The following MCPH1 variants were observed in gnomAD, a reference collection of about 807,000 sequenced individuals.
MCPH1 encodes microcephalin.
MCPH1 carries 104 observed loss-of-function variants against 84.5 expected under a neutral mutation model. The observed-to-expected ratio is 1.23, with a 90% CI of 1.05 to 1.45. MCPH1 has a LOEUF of 1.45. MCPH1 is among the 40% of genes most tolerant of loss of function. The pLI is 0.00. For synonymous variants in MCPH1, 514 were observed against 366.8 expected (o/e 1.40, Z -4.58); for missense variants, 1,498 against 1,005.7 (o/e 1.49, Z -6.62).
intron 12 of MCPH1, chr8:6,508,833 A>G (rs747836588): frequency 6.6e-7 from 1 of 1,523,938 alleles, no homozygotes; most frequent in East Asian, 2.2e-5. Context: ...AATTGTGGAC[A>G]TCGTTACAAA....
chr8:6,562,752 C>T lies in MCPH1; in HGVS notation c.2215-58702C>T. 3 of 1,613,780 alleles carry T rather than the reference C, an allele frequency of 1.9e-6. No homozygotes were observed. In the South Asian group the frequency reaches 3.3e-5, roughly 18 times the overall value. On this transcript the variant is annotated intron_variant, in intron 12 of 13. Coordinates refer to ENST00000344683, the MANE Select transcript of MCPH1 (RefSeq NM_024596.5). The stretch of plus-strand genomic sequence containing the variant: ...GCGCGTCCCTCTGCACAGCATTGGA[C>T]ACGTAGGGGCTGGAGGAAGAGCGGC...
At chr8:6,488,872 G>A (rs2920677) in intron 11 of MCPH1, among the ~76,000 whole-genome samples, 91,201 of 151,756 alleles carry the variant, frequency 0.6, 30,430 homozygotes, top group East Asian at 0.78. Context: ...AAATGACTGC[G>A]GCTGTGTCTA....
chr8:6,460,969 G>C (rs929664783), intron 9 of MCPH1, among the ~76,000 whole-genome samples: 19 of 152,304 alleles, frequency 1.2e-4, no homozygotes, highest in African/African-American at 3.9e-4. Context: ...GAGACGATGG[G>C]TGAATTTTAA....
intron 13 of MCPH1, among the ~76,000 whole-genome samples, chr8:6,634,411 G>C (rs1175505188): frequency 1.3e-5 from 2 of 152,170 alleles, no homozygotes; most frequent in African/African-American, 2.4e-5. Flanking sequence ...ATGACCATTT[G>C]GGTGCTACTG....
At chr8:6,609,942 G>A (rs1281371858) in intron 12 of MCPH1, among the ~76,000 whole-genome samples, 1 of 151,106 alleles carries the variant, frequency 6.6e-6, no homozygotes, top group East Asian at 2.0e-4. Context: ...AAGTTCTTTG[G>A]CAGTTCTCTC....
chr8:6,459,428 A>G (rs1047348659), intron 9 of MCPH1, among the ~76,000 whole-genome samples: 1 of 152,214 alleles, frequency 6.6e-6, no homozygotes, highest in Non-Finnish European at 1.5e-5. Flanking sequence ...GGTGCACGCC[A>G]CATATTTTTA....
intron 12 of MCPH1, chr8:6,527,653 A>G: frequency 6.2e-7 from 1 of 1,613,874 alleles, no homozygotes; most frequent in Non-Finnish European, 8.5e-7. Flanking sequence ...GCTGAAGTTC[A>G]AGTCTCGTGG....
intron 11 of MCPH1, among the ~76,000 whole-genome samples, chr8:6,497,329 CAAAA>C (rs955698634): frequency 7.2e-6 from 1 of 138,268 alleles, no homozygotes; most frequent in African/African-American, 2.8e-5. Context: ...CAAAAAAAAA[CAAAA>C]AAAAAGAAAA....
chr8:6,537,588 G>C (rs1820741679), intron 12 of MCPH1, among the ~76,000 whole-genome samples: 2 of 151,186 alleles, frequency 1.3e-5, no homozygotes, highest in African/African-American at 4.9e-5. Flanking sequence ...ATATATTTTA[G>C]TGCAAAATAT....
chr8:6,482,246 A>G (rs942542315), intron 11 of MCPH1, among the ~76,000 whole-genome samples: 2 of 152,220 alleles, frequency 1.3e-5, no homozygotes, highest in Admixed American at 6.5e-5. Context: ...TTGTCCACTT[A>G]ATATGGAAAG....
intron 12 of MCPH1, among the ~76,000 whole-genome samples, chr8:6,592,480 A>C (rs938936663): frequency 1.6e-4 from 25 of 152,062 alleles, no homozygotes; most frequent in African/African-American, 6.0e-4. Context: ...TATATATTTC[A>C]CAGAATATTA....
At chr8:6,568,279 G>C (rs531844418) in intron 12 of MCPH1, among the ~76,000 whole-genome samples, 18 of 152,210 alleles carry the variant, frequency 1.2e-4, no homozygotes, top group African/African-American at 4.3e-4. Context: ...CCCATCGCTA[G>C]CTGAATGTGG....
At chr8:6,454,424 C>A (rs1805454296) in intron 8 of MCPH1, among the ~76,000 whole-genome samples, 1 of 152,202 alleles carries the variant, frequency 6.6e-6, no homozygotes, top group Non-Finnish European at 1.5e-5. Flanking sequence ...TTAGCTCCTC[C>A]TTCAAAATCC....
intron 9 of MCPH1, among the ~76,000 whole-genome samples, chr8:6,473,168 ACTTTT>A (rs901452627): frequency 5.3e-5 from 8 of 152,166 alleles, no homozygotes; most frequent in African/African-American, 1.9e-4. Flanking sequence ...TATTGGGTAA[ACTTTT>A]CTTTGTTTTT....
intron 12 of MCPH1, among the ~76,000 whole-genome samples, chr8:6,588,571 T>A (rs1381264196): frequency 6.6e-6 from 1 of 152,218 alleles, no homozygotes; most frequent in Non-Finnish European, 1.5e-5. Context: ...TAAGTCTGGT[T>A]GAACCAGCAC....
At chr8:6,434,335 C>A (rs1045031367) in intron 4 of MCPH1, among the ~76,000 whole-genome samples, 18 of 152,152 alleles carry the variant, frequency 1.2e-4, no homozygotes, top group Admixed American at 3.3e-4. Context: ...GGCAGAGCCT[C>A]CAGGCAAATC....
chr8:6,505,277 C>CT (rs1813167688), intron 12 of MCPH1, among the ~76,000 whole-genome samples: 4 of 28,124 alleles, frequency 1.4e-4, no homozygotes, highest in East Asian at 9.4e-4. Flanking sequence ...TATATGTATA[C>CT]ATATATATGT....
chr8:6,506,262 C>T (rs1358781970), intron 12 of MCPH1, among the ~76,000 whole-genome samples: 2 of 151,770 alleles, frequency 1.3e-5, no homozygotes, highest in African/African-American at 4.8e-5. Context: ...AAGTTGCTGT[C>T]CATGCAAAAT....
chr8:6,559,357 G>A (rs1179673969), intron 12 of MCPH1, among the ~76,000 whole-genome samples: 2 of 152,090 alleles, frequency 1.3e-5, no homozygotes, highest in African/African-American at 2.4e-5. Context: ...TATGTTTGAA[G>A]AGCATAACTG....
Sources: gnomAD v4.1 joint callset for allele counts (sites outside exome capture counted in the v4.1 genomes callset) on GRCh38, gnomAD v4.1.1 for gene constraint, MANE v1.5 for transcripts, NCBI Gene and HGNC (gene_info 2026-07-23, HGNC 2026-07-21) for gene names.